APP: variants seen among roughly 807,000 people sequenced by gnomAD.
APP encodes the protein amyloid-beta precursor protein.
In APP, 31 loss-of-function variants were observed where a neutral mutation model predicts 101.4. The observed-to-expected ratio is 0.31, with a 90% CI of 0.23 to 0.41. The LOEUF (loss-of-function observed/expected upper bound fraction) is 0.41. Ranked by LOEUF, APP falls within the 10% of genes least tolerant of loss-of-function variation. APP has a pLI of 1.00. For missense variants in APP, 839 were observed against 1,003.7 expected, an observed-to-expected ratio of 0.84 and a Z score of 2.22; for synonymous variants, 366 against 364.4, an observed-to-expected ratio of 1.00 and a Z score of -0.05.
intron 6 of APP, among the ~76,000 whole-genome samples, chr21:26,021,457 C>T (rs1488222037): frequency 6.6e-6 from 1 of 152,020 alleles, no homozygotes; most frequent in Non-Finnish European, 1.5e-5. Context: ...AAGTCCTTAC[C>T]CTCAAGGAGC....
chr21:26,016,935 G>C (rs1333540462), intron 6 of APP, among the ~76,000 whole-genome samples: 1 of 16,622 alleles, frequency 6.0e-5, no homozygotes, highest in African/African-American at 3.4e-4. Flanking sequence ...CTTTGTGGGG[G>C]GCGGGGGGCG....
chr21:26,081,814 G>T (rs1452500674), intron 3 of APP, among the ~76,000 whole-genome samples: 5 of 152,154 alleles, frequency 3.3e-5, no homozygotes, highest in African/African-American at 1.2e-4. Flanking sequence ...TCTGAAACTT[G>T]TTCTCTAGCA....
chr21:26,118,301 TA>T (rs1366951430), intron 1 of APP, among the ~76,000 whole-genome samples: 1 of 152,176 alleles, frequency 6.6e-6, no homozygotes, highest in Non-Finnish European at 1.5e-5. Flanking sequence ...TAAATGAATA[TA>T]AAAGTGGAAT....
chr21:25,962,832 G>A (rs934872916), intron 11 of APP, among the ~76,000 whole-genome samples: 2 of 152,086 alleles, frequency 1.3e-5, no homozygotes, highest in African/African-American at 4.8e-5. Context: ...TTTGGAGATG[G>A]AGTCTCACTC....
intron 1 of APP, among the ~76,000 whole-genome samples, chr21:26,164,528 T>C (rs1230599531): frequency 6.6e-6 from 1 of 152,186 alleles, no homozygotes; most frequent in Non-Finnish European, 1.5e-5. Flanking sequence ...TAATAGTTAA[T>C]AATCAAGCCA....
At position 25,954,633 on chromosome 21, in the gene APP, G is replaced by C; in HGVS notation, c.1644C>G (p.Leu548=). The C allele has an allele frequency of 6.2e-7, 1 of 1,614,158 alleles. No individual in the cohort carries two copies. Among genetic ancestry groups the C allele is most frequent in the Non-Finnish European group, 8.5e-7 (1 of 1,180,020 alleles). ...YERMNQSLSL[L]YNVPAVAEEI... ...CCTCGGCCACTGCAGGCACGTTGTA[G>C]AGCAGGGAGAGAGACTGATTCATGC... The change falls in exon 13 of 18, where the codon CTC becomes CTG. Residue 548 remains leucine, a synonymous_variant. Coordinates refer to ENST00000346798, the MANE Select transcript of APP (RefSeq NM_000484.4).
In APP at chr21:25,881,677, T is replaced by C; in HGVS notation, c.2306A>G (p.Gln769Arg). 1 of 1,613,988 alleles carries C rather than the reference T, an allele frequency of 6.2e-7. No homozygotes were observed. Among genetic ancestry groups the C allele is most frequent in the Non-Finnish European group, 8.5e-7 (1 of 1,179,976 alleles). ...GGCTGCTGTGGCGGGGGTCTAGTTC[T>C]GCATCTGCTCAAAGAACTTGTAGGT... is the stretch of plus-strand genomic sequence containing the variant. ...NPTYKFFEQMQN is the reference protein window; with the variant it reads ...NPTYKFFEQMRN Residue 769 changes from glutamine (Q) to arginine (R), a missense_variant, in exon 18 of 18, where the codon CAG becomes CGG. Gln to Arg is a conservative substitution (Grantham distance 43). Transcript: ENST00000346798.
chr21:26,007,124 C>G (rs2043564938), intron 6 of APP, among the ~76,000 whole-genome samples: 1 of 151,844 alleles, frequency 6.6e-6, no homozygotes, highest in Non-Finnish European at 1.5e-5. Flanking sequence ...AGAATATCTA[C>G]TTAAACTTCA....
At chr21:26,074,929 G>T (rs928730105) in intron 3 of APP, among the ~76,000 whole-genome samples, 1 of 152,120 alleles carries the variant, frequency 6.6e-6, no homozygotes, top group Admixed American at 6.5e-5. Context: ...TTTTTATTAA[G>T]ATCCAAAGAC....
chr21:26,027,651 G>C (rs1345941490), intron 5 of APP, among the ~76,000 whole-genome samples: 1 of 152,126 alleles, frequency 6.6e-6, no homozygotes, highest in Non-Finnish European at 1.5e-5. Flanking sequence ...ACTGGCAGGG[G>C]CCAGGAGAGA....
chr21:25,928,318 G>A (rs1443890578), intron 13 of APP, among the ~76,000 whole-genome samples: 1 of 150,658 alleles, frequency 6.6e-6, no homozygotes, highest in Non-Finnish European at 1.5e-5. Context: ...CTCCAGCCTG[G>A]GCGACAGAGC....
chr21:25,965,236 G>A (rs150865943), intron 11 of APP, among the ~76,000 whole-genome samples: 4 of 152,170 alleles, frequency 2.6e-5, no homozygotes, highest in African/African-American at 4.8e-5. Context: ...AAGGCAAAGC[G>A]CACAGTGTTG....
chr21:26,111,940 T>G (rs1186557263), intron 2 of APP, 39 bp downstream of exon 2: 1 of 1,611,572 alleles, frequency 6.2e-7, no homozygotes, highest in Non-Finnish European at 8.5e-7. Context: ...CAAATGCATG[T>G]GATCCAACGT....
chr21:25,894,285 GTCTTATTATTTCAGCC>G (rs1174640516), intron 16 of APP, among the ~76,000 whole-genome samples: 2 of 152,150 alleles, frequency 1.3e-5, no homozygotes, highest in African/African-American at 2.4e-5. Flanking sequence ...CAACTTTCAA[GTCTTATTATTTCAGCC>G]TCTTATTATT....
chr21:26,112,248 A>G, intron 1 of APP, 102 bp from the exon 2 acceptor site: 2 of 1,268,056 alleles, frequency 1.6e-6, no homozygotes, highest in East Asian at 2.3e-5. Context: ...ATTCTTGCTC[A>G]TTCTCAATTA....
intron 3 of APP, chr21:26,089,661 A>C: frequency 3.3e-6 from 1 of 303,116 alleles, no homozygotes; most frequent in Non-Finnish European, 6.4e-6. Flanking sequence ...CGGATCCGCT[A>C]CTATAGGCAT....
intron 8 of APP, among the ~76,000 whole-genome samples, chr21:25,991,427 G>A (rs1425226777): frequency 3.9e-5 from 6 of 152,122 alleles, no homozygotes; most frequent in Admixed American, 3.9e-4. Context: ...CCCCAGGCTG[G>A]AGTGCGATGG....
At chr21:25,961,002 T>C (rs1283244981) in intron 11 of APP, among the ~76,000 whole-genome samples, 1 of 152,074 alleles carries the variant, frequency 6.6e-6, no homozygotes, top group Non-Finnish European at 1.5e-5. Context: ...TATTTTTAGT[T>C]AAGAAAGAAA....
chr21:26,069,213 T>G (rs1377423273), intron 3 of APP, among the ~76,000 whole-genome samples: 5 of 152,158 alleles, frequency 3.3e-5, no homozygotes, highest in Non-Finnish European at 5.9e-5. Flanking sequence ...TAGATACTTA[T>G]CGCTCATGAA....
Sources: allele counts gnomAD v4.1 joint callset (sites outside exome capture counted in the v4.1 genomes callset), GRCh38; gene constraint gnomAD v4.1.1; transcripts MANE v1.5; gene names NCBI Gene and HGNC (gene_info 2026-07-23, HGNC 2026-07-21).